CTIF: variants seen among roughly 807,000 people sequenced by gnomAD.
CTIF encodes the protein cap binding complex dependent translation initiation factor, also known as CBP80/20-dependent translation initiation factor.
Under a neutral mutation model 66.0 loss-of-function variants are expected in CTIF, and 21 were observed. The ratio of observed to expected loss-of-function variants is 0.32; its 90% confidence interval spans 0.23 to 0.46. The LOEUF (loss-of-function observed/expected upper bound fraction) is 0.46, where lower values mean the gene tolerates loss of function less well. Ranked by LOEUF, CTIF falls within the 20% of genes least tolerant of loss-of-function variation. CTIF has a pLI of 1.00. For missense variants in CTIF, 739 were observed against 812.7 expected, an observed-to-expected ratio of 0.91 and a Z score of 1.10; for synonymous variants, 345 against 326.4, an observed-to-expected ratio of 1.06 and a Z score of -0.62.
intron 4 of CTIF, 94 bp from the exon 5 acceptor site, chr18:48,664,353 T>C (rs2091398081): frequency 1.8e-6 from 2 of 1,130,390 alleles, no homozygotes; most frequent in African/African-American, 3.0e-5. Flanking sequence ...TTTCTGCGGA[T>C]CTGCTCTGCC....
At chr18:48,686,897 G>A (rs566580226) in intron 6 of CTIF, among the ~76,000 whole-genome samples, 183 of 152,200 alleles carry the variant, frequency 1.2e-3, no homozygotes, top group Non-Finnish European at 1.8e-3. Flanking sequence ...CTCCTCCTTC[G>A]TTTACTTTCT....
At chr18:48,741,672 G>A (rs1201585959) in intron 7 of CTIF, among the ~76,000 whole-genome samples, 1 of 152,080 alleles carries the variant, frequency 6.6e-6, no homozygotes, top group Non-Finnish European at 1.5e-5. Context: ...TGATCCTCCT[G>A]CCTTGGCCTC....
At chr18:48,705,653 G>C (rs962200705) in intron 6 of CTIF, among the ~76,000 whole-genome samples, 2 of 152,232 alleles carry the variant, frequency 1.3e-5, no homozygotes, top group African/African-American at 2.4e-5. Context: ...CACCAGCAAC[G>C]GTCCTCGGAA....
intron 7 of CTIF, among the ~76,000 whole-genome samples, chr18:48,730,247 G>GGTGTGAGGGGCCCCCGCA (rs538515570): frequency 6.8e-6 from 1 of 146,980 alleles, no homozygotes; most frequent in Non-Finnish European, 1.5e-5. Context: ...GGGCCTCCGC[G>GGTGTGAGGGGCCCCCGCA]GTGTGAGGGG....
Position 48,761,325 on chromosome 18 carries a change from A to G in CTIF, c.1072-65A>G. 1 of 1,511,230 alleles carries G rather than the reference A, an allele frequency of 6.6e-7. No individual in the cohort carries two copies. The highest frequency in any genetic ancestry group is 9.0e-7 in the Non-Finnish European group (1 of 1,111,548). The allele number at this position is 1,511,230 out of a possible 1,614,324, so 93.6% of individuals were successfully genotyped here. ...TGGGGGTGGCCACCCTCTTTCCACC[A>G]GGCCACCCCTGCACAGAGACCTCGG... On this transcript the variant is annotated intron_variant, in intron 8 of 11. Coordinates refer to ENST00000256413, the MANE Select transcript of CTIF (RefSeq NM_014772.3). The surrounding 1 kb of genome is among the most constrained non-coding windows in gnomAD (Gnocchi z 4.2).
chr18:48,778,983 C>G (rs1234232415), intron 9 of CTIF, among the ~76,000 whole-genome samples: 1 of 152,196 alleles, frequency 6.6e-6, no homozygotes, highest in East Asian at 1.9e-4. Flanking sequence ...CGATTTGAAT[C>G]CTAAGTTTAA....
intron 7 of CTIF, among the ~76,000 whole-genome samples, chr18:48,739,001 C>T (rs1000357631): frequency 6.6e-6 from 1 of 152,188 alleles, no homozygotes; most frequent in Non-Finnish European, 1.5e-5. Context: ...TAAGACACCC[C>T]AGGAAGTCTT....
chr18:48,623,622 G>A lies in CTIF; in HGVS notation c.180+3877G>A, dbSNP rs76761237. Among the ~76,000 whole-genome samples the A allele has an allele frequency of 5.1e-3, 774 of 151,134 alleles. 5 individuals carry two copies. Among genetic ancestry groups the A allele is most frequent in the Middle Eastern group, 0.031 (9 of 288 alleles). ...CAGCAAACACTCAGGGAATGTTCCT[G>A]TCTGCCTGTGTGGTATTTTGATGTT... On this transcript the variant is annotated intron_variant, in intron 2 of 11. Coordinates refer to ENST00000256413, the MANE Select transcript of CTIF (RefSeq NM_014772.3).
At chr18:48,760,081 G>A (rs181629206) in intron 8 of CTIF, 6 of 152,196 alleles carry the variant, frequency 3.9e-5, no homozygotes, top group Admixed American at 2.6e-4. Context: ...TTTGTGTCCT[G>A]TTAACTTTAC....
At chr18:48,550,939 C>T (rs1051427989) in intron 1 of CTIF, among the ~76,000 whole-genome samples, 11 of 152,116 alleles carry the variant, frequency 7.2e-5, no homozygotes, top group Non-Finnish European at 1.2e-4. Context: ...CGAGAACTTA[C>T]GGATCTCTAC....
chr18:48,722,253 T>C, intron 7 of CTIF, among the ~76,000 whole-genome samples: 1 of 148,434 alleles, frequency 6.7e-6, no homozygotes, highest in Non-Finnish European at 1.5e-5. Context: ...CTCACTCTGT[T>C]GTCCAGGCTG....
At chr18:48,646,284 G>GA (rs1427967605) in intron 3 of CTIF, among the ~76,000 whole-genome samples, 1 of 152,154 alleles carries the variant, frequency 6.6e-6, no homozygotes, top group Non-Finnish European at 1.5e-5. Flanking sequence ...GTTTTTCCCT[G>GA]AAGGTGATGT....
chr18:48,761,830 C>A lies in CTIF; in HGVS notation c.1371+141C>A. On this transcript the variant is annotated intron_variant, in intron 9 of 11. Coordinates refer to ENST00000256413, the MANE Select transcript of CTIF (RefSeq NM_014772.3). This position sits in a 1 kb window ranked among gnomAD's most constrained non-coding sequence, Gnocchi z 4.2. ...CCCTTGCCCGATTAATTATAGAAAA[C>A]ACAAAGGCAGTTAAGGGGCCAGGAA... 2 of 863,370 alleles carry A rather than the reference C, an allele frequency of 2.3e-6. No homozygotes were observed. The highest frequency in any genetic ancestry group is 3.5e-6 in the Non-Finnish European group (2 of 575,188). The allele number at this position is 863,370 out of a possible 1,614,324, so 53.5% of individuals were successfully genotyped here.
At position 48,669,368 on chromosome 18, in the gene CTIF, A is replaced by G. The variant is rs1239187645; in HGVS notation, c.432-1301A>G. On this transcript the variant is annotated intron_variant, in intron 5 of 11. Transcript: ENST00000256413. ...ATACCAGTAATAATAGTAACTGACA[A>G]TACTTACTATGCACCGGCCATGCTC... Among the ~76,000 whole-genome samples, 5 of 152,146 alleles carry G rather than the reference A, an allele frequency of 3.3e-5. 1 individual carries two copies. The South Asian group carries it at 6.2e-4, about 19-fold the overall frequency.
intron 6 of CTIF, among the ~76,000 whole-genome samples, chr18:48,703,692 C>T (rs993250371): frequency 1.3e-5 from 2 of 152,142 alleles, no homozygotes; most frequent in Non-Finnish European, 1.5e-5. Flanking sequence ...AAAGTGCAGG[C>T]CATGGAATTG....
intron 2 of CTIF, among the ~76,000 whole-genome samples, chr18:48,621,218 C>T (rs569467391): frequency 6.0e-4 from 78 of 130,844 alleles, no homozygotes; most frequent in African/African-American, 2.2e-3. Flanking sequence ...GAAAATGGAA[C>T]GGGGAGTGAG....
intron 6 of CTIF, among the ~76,000 whole-genome samples, chr18:48,703,103 C>T (rs2092105137): frequency 6.6e-6 from 1 of 152,140 alleles, no homozygotes; most frequent in African/African-American, 2.4e-5. Context: ...TCTGCAAGTC[C>T]TGAGCTAGCA....
intron 6 of CTIF, among the ~76,000 whole-genome samples, chr18:48,691,750 C>G (rs1186541733): frequency 6.6e-6 from 1 of 152,170 alleles, no homozygotes; most frequent in Non-Finnish European, 1.5e-5. Context: ...AGTGGTGACA[C>G]CAGCTCTCCC....
At chr18:48,677,910 T>C (rs1303832898) in intron 6 of CTIF, among the ~76,000 whole-genome samples, 1 of 152,252 alleles carries the variant, frequency 6.6e-6, no homozygotes, top group Non-Finnish European at 1.5e-5. Flanking sequence ...AGCTGCGGGC[T>C]GCATATACTA....
Sources: allele counts gnomAD v4.1 joint callset (sites outside exome capture counted in the v4.1 genomes callset), GRCh38; gene constraint gnomAD v4.1.1; non-coding constraint Gnocchi (gnomAD v3.1); transcripts MANE v1.5; gene names NCBI Gene and HGNC (gene_info 2026-07-23, HGNC 2026-07-21).